The following CATSPERB variants were observed in gnomAD, a reference collection of about 807,000 sequenced individuals.
CATSPERB encodes catsper channel auxiliary subunit beta.
CATSPERB carries 93 observed loss-of-function variants against 128.3 expected under a neutral mutation model. That is an observed-to-expected ratio of 0.72 (90% CI 0.61 to 0.86). The LOEUF is 0.86. Ranked by LOEUF, CATSPERB falls within the 40% of genes least tolerant of loss-of-function variation. The pLI, the probability that CATSPERB is intolerant of heterozygous loss-of-function variation, is 0.00. For synonymous variants in CATSPERB, 381 were observed against 448.8 expected (o/e 0.85, Z 1.91); for missense variants, 1,153 against 1,329.5 (o/e 0.87, Z 2.06).
intron 7 of CATSPERB, among the ~76,000 whole-genome samples, chr14:91,702,642 C>T (rs905970342): frequency 2.0e-5 from 3 of 147,552 alleles, no homozygotes; most frequent in Non-Finnish European, 4.5e-5. Context: ...TTTGGCTTGC[C>T]AATTTCTACA....
In CATSPERB at chr14:91,723,157, T is replaced by G; in HGVS notation, c.201A>C (p.Glu67Asp). ...KIQCFFQTENEIASKAMLSVF... is the reference protein window; with the variant it reads ...KIQCFFQTENDIASKAMLSVF... ...CACTTAGCATTGCTTTTGATGCAATTTCATTTTCAGTTTGGAAGAAACACT... is the reference window on the plus strand; with the variant it reads ...CACTTAGCATTGCTTTTGATGCAATGTCATTTTCAGTTTGGAAGAAACACT... The change falls in exon 4 of 27, where the codon GAA becomes GAC. Residue 67 changes from glutamate (E) to aspartate (D), a missense_variant. By Grantham distance (45) the Glu-to-Asp change is conservative (BLOSUM62 2). Coordinates refer to ENST00000256343, the MANE Select transcript of CATSPERB (RefSeq NM_024764.4). 6.6e-7 allele frequency: 1 copy of G among 1,508,600 alleles called. No individual in the cohort carries two copies. 93.5% of individuals were successfully genotyped at this position (1,508,600 alleles called of 1,614,324 possible).
At chr14:91,663,839 C>T (rs1894931095) in intron 14 of CATSPERB, among the ~76,000 whole-genome samples, 1 of 151,990 alleles carries the variant, frequency 6.6e-6, no homozygotes, top group Non-Finnish European at 1.5e-5. Flanking sequence ...GCATACAGTT[C>T]AGTAGTGTTA....
chr14:91,694,757 C>T (rs565119523), intron 7 of CATSPERB, among the ~76,000 whole-genome samples: 1 of 152,318 alleles, frequency 6.6e-6, no homozygotes, highest in African/African-American at 2.4e-5. Flanking sequence ...GAACACATCA[C>T]AAATCCTAAA....
intron 4 of CATSPERB, among the ~76,000 whole-genome samples, chr14:91,720,879 C>T (rs1872367451): frequency 6.6e-6 from 1 of 152,138 alleles, no homozygotes; most frequent in Non-Finnish European, 1.5e-5. Context: ...TAAAGATAGA[C>T]ATGTGGATCA....
chr14:91,635,728 A>G (rs1894362132), intron 17 of CATSPERB: 2 of 152,194 alleles, frequency 1.3e-5, no homozygotes, highest in African/African-American at 4.8e-5. Context: ...TCTTACTGTA[A>G]GCATTTCTGA....
chr14:91,713,573 T>C (rs1276411919), intron 5 of CATSPERB, among the ~76,000 whole-genome samples: 1 of 152,154 alleles, frequency 6.6e-6, no homozygotes, highest in Non-Finnish European at 1.5e-5. Flanking sequence ...ACAACTTAGA[T>C]GAAATGGACA....
At chr14:91,581,504 G>A (rs1893207021) in intron 26 of CATSPERB, among the ~76,000 whole-genome samples, 1 of 152,222 alleles carries the variant, frequency 6.6e-6, no homozygotes, top group Admixed American at 6.5e-5. Flanking sequence ...GAATAAGTAG[G>A]TTCACAGAAG....
At position 91,589,572 on chromosome 14, in the gene CATSPERB, G is replaced by C; in HGVS notation, c.2918C>G (p.Thr973Ser). Residue 973 changes from threonine to serine, a missense_variant, in exon 24 of 27, where the codon ACT becomes AGT. Physicochemically the swap from Thr to Ser is moderately conservative, Grantham distance 58. Coordinates refer to ENST00000256343, the MANE Select transcript of CATSPERB (RefSeq NM_024764.4). The stretch of plus-strand genomic sequence containing the variant: ...GTGCCTCATGTTCACTTCAGTCACA[G>C]TAACCAGATATGGAGATTGCAATGG... ...RVPLQSPYLV[T>S]VTEVNMRHNW... 4 of 1,613,874 alleles carry C rather than the reference G, an allele frequency of 2.5e-6. No homozygotes were observed. Among genetic ancestry groups the C allele is most frequent in the Non-Finnish European group, 3.4e-6 (4 of 1,179,824 alleles).
chr14:91,694,454 A>C (rs1236046097), intron 7 of CATSPERB, among the ~76,000 whole-genome samples: 1 of 150,990 alleles, frequency 6.6e-6, no homozygotes, highest in Non-Finnish European at 1.5e-5. Flanking sequence ...AAAAAAAAAA[A>C]AAAAAAAAAA....
Sources: gnomAD v4.1 joint callset for allele counts (sites outside exome capture counted in the v4.1 genomes callset) on GRCh38, gnomAD v4.1.1 for gene constraint, MANE v1.5 for transcripts, NCBI Gene and HGNC (gene_info 2026-07-23, HGNC 2026-07-21) for gene names.